Variants in KPNA5 observed in about 807,000 individuals in gnomAD.
KPNA5 encodes importin subunit alpha-6.
A neutral mutation model predicts 71.3 loss-of-function variants in KPNA5; 46 were observed. That is an observed-to-expected ratio of 0.65 (90% CI 0.51 to 0.83). KPNA5 has a LOEUF of 0.83. KPNA5 is among the 40% of genes least tolerant of loss of function. The pLI, the probability that KPNA5 is intolerant of heterozygous loss-of-function variation, is 0.00. For missense variants in KPNA5, 547 were observed against 628.3 expected (o/e 0.87, Z 1.38); for synonymous variants, 207 against 201.4 (o/e 1.03, Z -0.24).
At chr6:116,692,466 T>C in intron 4 of KPNA5, 74 bp downstream of exon 4, 1 of 928,692 alleles carries the variant, frequency 1.1e-6, no homozygotes, top group Non-Finnish European at 1.7e-6. Flanking sequence ...TTGTTTTTTT[T>C]TAAATTTTAA....
At chr6:116,686,732 A>G (rs1174467617) in intron 1 of KPNA5, among the ~76,000 whole-genome samples, 1 of 152,218 alleles carries the variant, frequency 6.6e-6, no homozygotes, top group East Asian at 1.9e-4. Context: ...GAAGGGGTCC[A>G]GTTTCAATCT....
intron 1 of KPNA5, among the ~76,000 whole-genome samples, chr6:116,689,000 A>G (rs1257592357): frequency 6.6e-6 from 1 of 152,150 alleles, no homozygotes; most frequent in East Asian, 1.9e-4. Flanking sequence ...GACAGTAATT[A>G]TGTTTCAGAA....
At chr6:116,697,554 A>C (rs1314976123) in intron 4 of KPNA5, among the ~76,000 whole-genome samples, 5 of 152,076 alleles carry the variant, frequency 3.3e-5, no homozygotes, top group Admixed American at 2.6e-4. Flanking sequence ...TGATTTGTAC[A>C]GGTGTTTTAT....
chr6:116,697,013 C>A (rs754133940), intron 4 of KPNA5, among the ~76,000 whole-genome samples: 1 of 151,862 alleles, frequency 6.6e-6, no homozygotes, highest in African/African-American at 2.4e-5. Context: ...ATGACCACCT[C>A]GCCCTACCTA....
chr6:116,692,373 T>C lies in KPNA5; in HGVS notation c.321T>C (p.Phe107=). 2 of 1,601,304 alleles carry C rather than the reference T, an allele frequency of 1.2e-6. No individual in the cohort carries two copies. Among genetic ancestry groups the C allele is most frequent in the Non-Finnish European group, 1.7e-6 (2 of 1,175,104 alleles). The change falls in exon 4 of 14, where the codon TTT becomes TTC. Residue 107 remains phenylalanine (F), a synonymous_variant. Transcript: ENST00000368564. The stretch of plus-strand genomic sequence containing the variant: ...AACAGCTAACAGCAACACAGAAATT[T>C]AGAAAGCTGCTTTCTAAAGGCAAGA... The part of the protein sequence containing the change: ...ADQQLTATQK[F]RKLLSKEPNP...
chr6:116,698,927 A>T (rs1430157239), intron 5 of KPNA5, 129 bp downstream of exon 5: 3 of 491,062 alleles, frequency 6.1e-6, no homozygotes, highest in Non-Finnish European at 1.1e-5. Context: ...AGGAAAAGGT[A>T]GTGCTGCCTA....
intron 1 of KPNA5, among the ~76,000 whole-genome samples, chr6:116,686,434 T>C (rs1029900134): frequency 2.0e-5 from 3 of 152,204 alleles, no homozygotes; most frequent in Admixed American, 2.0e-4. Context: ...AAGTTTCTTA[T>C]AGATGCTGGA....
intron 2 of KPNA5, among the ~76,000 whole-genome samples, chr6:116,690,036 T>C (rs187714814): frequency 4.6e-5 from 7 of 150,854 alleles, no homozygotes; most frequent in Admixed American, 4.6e-4. Flanking sequence ...TTAAAACTGA[T>C]GTATGAAAAG....
chr6:116,719,616 G>A (rs923441095), intron 8 of KPNA5, among the ~76,000 whole-genome samples: 2 of 152,092 alleles, frequency 1.3e-5, no homozygotes, highest in Admixed American at 1.3e-4. Flanking sequence ...GGAGGCTGAG[G>A]TGAGAGGATG....
At chr6:116,683,896 C>CTTTTTTTTTTTTTT (rs140446065) in intron 1 of KPNA5, among the ~76,000 whole-genome samples, 2 of 59,542 alleles carry the variant, frequency 3.4e-5, no homozygotes, top group Non-Finnish European at 7.1e-5. Flanking sequence ...CGTGCCCGGC[C>CTTTTTTTTTTTTTT]TTTTTTTTTT....
chr6:116,704,718 G>T (rs1260973187), intron 6 of KPNA5, among the ~76,000 whole-genome samples: 1 of 152,028 alleles, frequency 6.6e-6, no homozygotes, highest in African/African-American at 2.4e-5. Flanking sequence ...GAGATGACAG[G>T]TGCGTGCCAC....
At chr6:116,694,295 G>A (rs1229301986) in intron 4 of KPNA5, among the ~76,000 whole-genome samples, 1 of 152,132 alleles carries the variant, frequency 6.6e-6, no homozygotes, top group Non-Finnish European at 1.5e-5. Flanking sequence ...TAGCTTGATG[G>A]GGATGGCATT....
In KPNA5 at chr6:116,733,469, T is replaced by C. The variant is rs916136160; in HGVS notation, c.*1146T>C. ...AGTAATACTCAGAGGGTCATTCTGCTGCTTGTTATGAATCATAGATTACAT... is the reference window on the plus strand; with the variant it reads ...AGTAATACTCAGAGGGTCATTCTGCCGCTTGTTATGAATCATAGATTACAT... On this transcript the variant is annotated 3_prime_UTR_variant, in exon 14 of 14. Transcript: ENST00000368564. The C allele has an allele frequency of 6.6e-6, 1 of 151,704 alleles. No homozygotes were observed. Among genetic ancestry groups the C allele is most frequent in the African/African-American group, 2.4e-5 (1 of 41,412 alleles). The allele number at this position is 151,704 out of a possible 1,614,324, so 9.4% of individuals were successfully genotyped here. A position where few individuals can be genotyped will look rare whatever the true frequency, so the allele number is the denominator to read the frequency against.
rs1479394557 is a variant in KPNA5, at chr6:116,733,204, A to G, written c.*881A>G. ...GTGCTGCATATCTAAAATAATAACT[A>G]ATTATTTCTCTGATTTTTCAGAGCA... is the stretch of plus-strand genomic sequence containing the variant. On this transcript the variant is annotated 3_prime_UTR_variant, in exon 14 of 14. Transcript: ENST00000368564. The G allele has an allele frequency of 6.6e-6, 1 of 151,754 alleles. No individual in the cohort carries two copies. Among genetic ancestry groups the G allele is most frequent in the Non-Finnish European group, 1.5e-5 (1 of 67,746 alleles). The allele number at this position is 151,754 out of a possible 1,614,324, so 9.4% of individuals were successfully genotyped here.
At chr6:116,702,401 G>A (rs1296272524) in intron 6 of KPNA5, among the ~76,000 whole-genome samples, 1 of 152,158 alleles carries the variant, frequency 6.6e-6, no homozygotes, top group African/African-American at 2.4e-5. Context: ...TGCATACTGA[G>A]GCTGGGCATG....
chr6:116,726,607 C>T lies in KPNA5; in HGVS notation c.1238C>T (p.Thr413Ile), dbSNP rs371960802. 1 of 1,603,766 alleles carries T rather than the reference C, an allele frequency of 6.2e-7. No individual in the cohort carries two copies. The highest frequency in any genetic ancestry group is 8.5e-7 in the Non-Finnish European group (1 of 1,176,470). ...WAITNATSGG[T>I]PEQIRYLVAL... is the part of the protein sequence containing the mutation. ...ATAACTAATGCAACATCAGGAGGTA[C>T]TCCAGAGCAAATAAGGTATGATATA... is the stretch of plus-strand genomic sequence containing the variant. The change falls in exon 12 of 14, where the codon ACT becomes ATT. Residue 413 changes from threonine (T) to isoleucine (I), a missense_variant. Coordinates refer to ENST00000368564, the MANE Select transcript of KPNA5 (RefSeq NM_001366306.2).
intron 2 of KPNA5, among the ~76,000 whole-genome samples, chr6:116,690,567 C>T (rs1000858294): frequency 2.0e-5 from 3 of 148,636 alleles, no homozygotes; most frequent in Admixed American, 6.8e-5. Context: ...GGCGTGAATT[C>T]GGGAGGCAGA....
Position 116,689,339 on chromosome 6 carries a change from G to C in KPNA5, c.24G>C (p.Gly8=). The change falls in exon 2 of 14, where the codon GGG becomes GGC. Residue 8 remains glycine (G), a synonymous_variant. Transcript: ENST00000368564. The part of the protein sequence containing the change: MDAMASP[G]KDNYRMKSYK... ...TTTAAGATGCCATGGCTAGTCCAGGGAAAGATAACTATAGAATGAAAAGTT... is the reference window on the plus strand; with the variant it reads ...TTTAAGATGCCATGGCTAGTCCAGGCAAAGATAACTATAGAATGAAAAGTT... 1.2e-6 allele frequency: 2 copies of C among 1,603,204 alleles called. No individual in the cohort carries two copies. Among genetic ancestry groups the C allele is most frequent in the Non-Finnish European group, 8.5e-7 (1 of 1,177,106 alleles).
chr6:116,701,044 T>C (rs544617780), intron 5 of KPNA5, among the ~76,000 whole-genome samples: 16 of 152,170 alleles, frequency 1.1e-4, no homozygotes, highest in Admixed American at 3.3e-4. Flanking sequence ...CTAGCTTATT[T>C]CATTATCTAC....
Sources: allele counts gnomAD v4.1 joint callset (sites outside exome capture counted in the v4.1 genomes callset), GRCh38; gene constraint gnomAD v4.1.1; transcripts MANE v1.5; gene names NCBI Gene and HGNC (gene_info 2026-07-23, HGNC 2026-07-21).